PDSS2: variants seen among roughly 807,000 people sequenced by gnomAD.
PDSS2 encodes all trans-polyprenyl-diphosphate synthase PDSS2.
Under a neutral mutation model 44.5 loss-of-function variants are expected in PDSS2, and 31 were observed. The ratio of observed to expected loss-of-function variants is 0.70; its 90% CI spans 0.52 to 0.94. PDSS2 has a LOEUF of 0.94. Among genes scored for constraint, PDSS2 ranks in the 40% least tolerant of loss-of-function variants. The pLI is 0.00. For synonymous variants in PDSS2, 157 were observed against 180.3 expected, an observed-to-expected ratio of 0.87 and a Z score of 1.03; for missense variants, 452 against 482.2, an observed-to-expected ratio of 0.94 and a Z score of 0.59.
At chr6:107,429,531 C>A (rs1033628746) in intron 1 of PDSS2, among the ~76,000 whole-genome samples, 1 of 152,070 alleles carries the variant, frequency 6.6e-6, no homozygotes, top group East Asian at 1.9e-4. Context: ...CATCTAAATG[C>A]CTGTATGGTT....
intron 4 of PDSS2, chr6:107,230,200 AACG>A (rs1208556184): frequency 1.3e-5 from 2 of 151,820 alleles, no homozygotes; most frequent in African/African-American, 2.4e-5. Flanking sequence ...AGTCACCACA[AACG>A]ACAAAACTGA....
At chr6:107,377,651 G>A (rs1779327197) in intron 1 of PDSS2, among the ~76,000 whole-genome samples, 1 of 152,052 alleles carries the variant, frequency 6.6e-6, no homozygotes, top group Admixed American at 6.5e-5. Context: ...GTCCAACAAC[G>A]ATAGACTGGA....
intron 1 of PDSS2, among the ~76,000 whole-genome samples, chr6:107,449,512 T>C (rs561249350): frequency 6.6e-6 from 1 of 152,206 alleles, no homozygotes; most frequent in East Asian, 1.9e-4. Context: ...ATTTGACTAC[T>C]CTAGACACTT....
At chr6:107,400,891 G>A (rs1009965086) in intron 1 of PDSS2, among the ~76,000 whole-genome samples, 5 of 152,174 alleles carry the variant, frequency 3.3e-5, no homozygotes, top group Non-Finnish European at 7.4e-5. Flanking sequence ...TAATTGCAGA[G>A]GTTGCACAAA....
At chr6:107,420,107 C>T (rs1448828349) in intron 1 of PDSS2, among the ~76,000 whole-genome samples, 2 of 152,176 alleles carry the variant, frequency 1.3e-5, no homozygotes, top group Non-Finnish European at 2.9e-5. Context: ...ATCCTAAATG[C>T]TCTATTGATA....
intron 1 of PDSS2, among the ~76,000 whole-genome samples, chr6:107,339,314 G>A (rs1475302510): frequency 3.9e-5 from 6 of 152,220 alleles, no homozygotes; most frequent in African/African-American, 1.4e-4. Context: ...TCATTAAAGT[G>A]TCATAAATGA....
rs188703470 is a variant in PDSS2, at chr6:107,214,155, G to A, written c.703-1873C>T. Among the ~76,000 whole-genome samples the A allele has an allele frequency of 7.1e-4, 107 of 150,798 alleles. 2 individuals carry two copies. The highest frequency in any genetic ancestry group is 2.4e-3 in the African/African-American group (99 of 40,850). ...GTCTCTCTGTGTCACCCAGGCTGGA[G>A]TGCAGTGGCGCGATCTCGGCTCACT... On this transcript the variant is annotated intron_variant, in intron 4 of 7. Coordinates refer to ENST00000369037, the MANE Select transcript of PDSS2 (RefSeq NM_020381.4).
At chr6:107,317,328 A>C (rs1777232733) in intron 2 of PDSS2, among the ~76,000 whole-genome samples, 1 of 152,202 alleles carries the variant, frequency 6.6e-6, no homozygotes. Flanking sequence ...CCAGATGTGG[A>C]GGAAACATGA....
intron 2 of PDSS2, among the ~76,000 whole-genome samples, chr6:107,282,048 G>A (rs1012553216): frequency 5.3e-5 from 8 of 152,244 alleles, no homozygotes; most frequent in Middle Eastern, 3.4e-3. Context: ...TGGGATTACA[G>A]GCATGTGCCA....
At chr6:107,309,263 G>A (rs1209335215) in intron 2 of PDSS2, among the ~76,000 whole-genome samples, 1 of 152,168 alleles carries the variant, frequency 6.6e-6, no homozygotes, top group African/African-American at 2.4e-5. Flanking sequence ...ATGCCCTGCT[G>A]TGGTCTAAAA....
chr6:107,420,879 C>T (rs934015978), intron 1 of PDSS2, among the ~76,000 whole-genome samples: 3 of 150,490 alleles, frequency 2.0e-5, no homozygotes, highest in Admixed American at 2.0e-4. Context: ...TTTTACTCTG[C>T]AAAGGACTCC....
chr6:107,267,748 T>C (rs1015350022), intron 3 of PDSS2, among the ~76,000 whole-genome samples: 1 of 151,240 alleles, frequency 6.6e-6, no homozygotes, highest in Non-Finnish European at 1.5e-5. Context: ...ACCATGCCTG[T>C]TTTTTGTTTT....
chr6:107,378,936 G>A, intron 1 of PDSS2, among the ~76,000 whole-genome samples: 1 of 152,170 alleles, frequency 6.6e-6, no homozygotes, highest in Non-Finnish European at 1.5e-5. Flanking sequence ...AAATCGCCAT[G>A]ATTTAGCTCT....
intron 4 of PDSS2, among the ~76,000 whole-genome samples, chr6:107,233,935 G>A (rs1483608369): frequency 2.0e-5 from 3 of 152,154 alleles, no homozygotes; most frequent in Non-Finnish European, 4.4e-5. Flanking sequence ...GGGAGGCTGA[G>A]GCAAGAGGAT....
chr6:107,263,383 G>T (rs1026635550), intron 3 of PDSS2, among the ~76,000 whole-genome samples: 17 of 151,898 alleles, frequency 1.1e-4, no homozygotes, highest in Non-Finnish European at 2.4e-4. Flanking sequence ...AGCCCAGGGG[G>T]CAGAGTTTGC....
chr6:107,299,165 A>AG (rs1403795986), intron 2 of PDSS2, among the ~76,000 whole-genome samples: 22 of 150,632 alleles, frequency 1.5e-4, no homozygotes, highest in African/African-American at 5.3e-4. Flanking sequence ...AAAAAAAAAA[A>AG]AAAAGAAACA....
intron 1 of PDSS2, among the ~76,000 whole-genome samples, chr6:107,403,787 C>T (rs1422286179): frequency 6.6e-6 from 1 of 152,220 alleles, no homozygotes; most frequent in Non-Finnish European, 1.5e-5. Flanking sequence ...CAGCTGCACA[C>T]AGCAGGGGAG....
chr6:107,170,665 T>G (rs1554248372), intron 7 of PDSS2, among the ~76,000 whole-genome samples: 1 of 143,048 alleles, frequency 7.0e-6, no homozygotes, highest in East Asian at 2.2e-4. Context: ...CCAGGCTGGA[T>G]GCAGTGGCAC....
At chr6:107,345,892 T>C (rs531358698) in intron 1 of PDSS2, among the ~76,000 whole-genome samples, 21 of 152,286 alleles carry the variant, frequency 1.4e-4, no homozygotes, top group Admixed American at 2.6e-4. Flanking sequence ...ACACATTTCA[T>C]GTATTCATTT....
Sources: allele counts gnomAD v4.1 joint callset (sites outside exome capture counted in the v4.1 genomes callset), GRCh38; gene constraint gnomAD v4.1.1; transcripts MANE v1.5; gene names NCBI Gene and HGNC (gene_info 2026-07-23, HGNC 2026-07-21).